CD226: variants seen among roughly 807,000 people sequenced by gnomAD.
The protein encoded by CD226 is CD226 molecule.
In CD226, 24 loss-of-function variants were observed where a neutral mutation model predicts 34.9. The ratio of observed to expected loss-of-function variants is 0.69; its 90% confidence interval spans 0.50 to 0.97. The LOEUF is 0.97. Ranked by LOEUF, CD226 falls within the 50% of genes least tolerant of loss-of-function variation. CD226 has a pLI of 0.00. For missense variants in CD226, 397 were observed against 412.7 expected (o/e 0.96, Z 0.33); for synonymous variants, 148 against 147.4 (o/e 1.00, Z -0.03).
Position 69,861,554 on chromosome 18 carries a change from G to GTGTATATATA in CD226, c.*2759_*2760insTATATATACA, listed in dbSNP as rs59216052. 2.3e-5 allele frequency: 3 copies of GTGTATATATA among 127,950 alleles called. No homozygotes were observed. The East Asian group carries it at 7.1e-4, about 30-fold the overall frequency. The allele number at this position is 127,950 out of a possible 1,614,324, so 7.9% of individuals were successfully genotyped here. A position where few individuals can be genotyped will look rare whatever the true frequency, so the allele number is the denominator to read the frequency against. On this transcript the variant is annotated 3_prime_UTR_variant, in exon 6 of 6. Transcript: ENST00000582621. ...ATAAATTATATGTGTATATATATATGTATATATATATATATATATGTAAAA... is the reference window on the plus strand; with the variant it reads ...ATAAATTATATGTGTATATATATATGTGTATATATATATATATATATATATATATGTAAAA...
intron 2 of CD226, among the ~76,000 whole-genome samples, chr18:69,923,649 A>G (rs1463965411): frequency 1.3e-5 from 2 of 152,312 alleles, no homozygotes; most frequent in African/African-American, 4.8e-5. Context: ...TTAGGATGGA[A>G]AAAGGTTAGT....
rs1038709438 is a variant in CD226, at chr18:69,942,280, C to G, written c.382+4454G>C. On this transcript the variant is annotated intron_variant, in intron 2 of 5. Transcript: ENST00000582621. ...CATTGGTTCTCTTTCTCTGGAGAAG[C>G]CTGACTAAAATAATAGAGATACCAA... Among the ~76,000 whole-genome samples, 5 of 152,170 alleles carry G rather than the reference C, an allele frequency of 3.3e-5. No homozygotes were observed. In the South Asian group the frequency reaches 6.2e-4, roughly 19 times the overall value.
Position 69,947,622 on chromosome 18 carries a change from G to A in CD226, c.-216C>T, listed in dbSNP as rs2055809850. The A allele has an allele frequency of 1.0e-5, 4 of 395,154 alleles. No homozygotes were observed. Among genetic ancestry groups the A allele is most frequent in the Middle Eastern group, 6.4e-4 (1 of 1,552 alleles). 24.5% of individuals were successfully genotyped at this position (395,154 alleles called of 1,614,324 possible). On this transcript the variant is annotated 5_prime_UTR_variant, in exon 1 of 6. Transcript: ENST00000582621. ...GGCAGATTTGAGTTTCTTCTCTCTC[G>A]GGGAACCAGTCGGCTTATTTTCGGG... is the stretch of plus-strand genomic sequence containing the variant.
At chr18:69,950,142 TCA>T (rs2055838176), upstream of CD226, among the ~76,000 whole-genome samples, 1 of 145,602 alleles carries the variant, frequency 6.9e-6, no homozygotes, top group Admixed American at 7.2e-5. Context: ...TCTCACACAA[TCA>T]CATGCATCTG....
intron 2 of CD226, among the ~76,000 whole-genome samples, chr18:69,900,273 C>T (rs1283786858): frequency 6.6e-6 from 1 of 152,012 alleles, no homozygotes; most frequent in African/African-American, 2.4e-5. Flanking sequence ...GACACTGGGT[C>T]TAGTTGAGAG....
rs1390759570 is a variant in CD226, at chr18:69,895,906, G to T, written c.522C>A (p.Asp174Glu). Residue 174 changes from aspartate (D) to glutamate (E), a missense_variant, in exon 3 of 6, where the codon GAC becomes GAA. Coordinates refer to ENST00000582621, the MANE Select transcript of CD226 (RefSeq NM_001303618.2). Reference sequence around the variant, plus strand: ...GGACCAAGTTGCAGTAAGTTAAGAGGTCGATCTGACGGGGCTGGATCTTTT... The same window carrying T: ...GGACCAAGTTGCAGTAAGTTAAGAGTTCGATCTGACGGGGCTGGATCTTTT... The part of the protein sequence containing the change: ...RWEKIQPRQI[D>E]LLTYCNLVHG... 2 of 1,614,050 alleles carry T rather than the reference G, an allele frequency of 1.2e-6. No individual in the cohort carries two copies. Among genetic ancestry groups the T allele is most frequent in the Non-Finnish European group, 1.7e-6 (2 of 1,180,046 alleles).
chr18:69,861,559 T>TATATATATATATATAC lies in CD226; in HGVS notation c.*2754_*2755insGTATATATATATATAT, dbSNP rs1333835731. On this transcript the variant is annotated 3_prime_UTR_variant, in exon 6 of 6. Coordinates refer to ENST00000582621, the MANE Select transcript of CD226 (RefSeq NM_001303618.2). The stretch of plus-strand genomic sequence containing the variant: ...TTATATGTGTATATATATATGTATA[T>TATATATATATATATAC]ATATATATATATATGTAAAACTTAA... 1.1e-4 allele frequency: 16 copies of TATATATATATATATAC among 145,060 alleles called. No homozygotes were observed. In the South Asian group the frequency reaches 2.8e-3, roughly 25 times the overall value. The allele number at this position is 145,060 out of a possible 1,614,324, so 9.0% of individuals were successfully genotyped here.
upstream of CD226, among the ~76,000 whole-genome samples, chr18:69,949,939 C>T (rs1480664465): frequency 6.6e-6 from 1 of 152,182 alleles, no homozygotes; most frequent in African/African-American, 2.4e-5. Flanking sequence ...CACATCCACA[C>T]ACACGCATGC....
chr18:69,958,788 A>AACACACACACACACACAC (rs59835947), upstream of CD226, among the ~76,000 whole-genome samples: 23 of 143,704 alleles, frequency 1.6e-4, no homozygotes, highest in African/African-American at 5.4e-4. Context: ...TTCACAGGCA[A>AACACACACACACACACAC]ACACACACAC....
chr18:69,885,165 C>T (rs1487877132), intron 3 of CD226, among the ~76,000 whole-genome samples: 1 of 152,110 alleles, frequency 6.6e-6, no homozygotes, highest in East Asian at 1.9e-4. Flanking sequence ...GATAAACAAC[C>T]TGGTGTCTGC....
intron 2 of CD226, among the ~76,000 whole-genome samples, chr18:69,907,326 T>C (rs1348359210): frequency 6.6e-6 from 1 of 152,198 alleles, no homozygotes; most frequent in African/African-American, 2.4e-5. Flanking sequence ...GTCTTTTTTG[T>C]TTGTTTTTCA....
At chr18:69,877,060 CA>C (rs1478886081) in intron 3 of CD226, among the ~76,000 whole-genome samples, 1 of 151,960 alleles carries the variant, frequency 6.6e-6, no homozygotes, top group East Asian at 1.9e-4. Context: ...GACGGGGTTT[CA>C]CCATGTTAGT....
At chr18:69,960,066 C>T (rs2055922478), upstream of CD226, among the ~76,000 whole-genome samples, 2 of 151,832 alleles carry the variant, frequency 1.3e-5, no homozygotes, top group South Asian at 4.2e-4. Flanking sequence ...ATGGTGAAAC[C>T]CCGTCTCTAC....
chr18:69,925,966 T>C (rs978112940), intron 2 of CD226, among the ~76,000 whole-genome samples: 3 of 151,990 alleles, frequency 2.0e-5, no homozygotes, highest in Non-Finnish European at 2.9e-5. Context: ...AATATGGTGA[T>C]ACCCCATCTC....
chr18:69,883,829 G>A (rs1790598), intron 3 of CD226, among the ~76,000 whole-genome samples: 147,167 of 152,320 alleles, frequency 0.97, 71,318 homozygotes, highest in East Asian at 1. Flanking sequence ...ACTATTTCAC[G>A]GTTGTGTTCA....
chr18:69,960,466 T>C (rs1242415179), upstream of CD226, among the ~76,000 whole-genome samples: 3 of 152,162 alleles, frequency 2.0e-5, no homozygotes, highest in Non-Finnish European at 4.4e-5. Context: ...GTTGTTGTTG[T>C]TGAGATGGAG....
At chr18:69,952,524 A>G (rs1486083133), upstream of CD226, among the ~76,000 whole-genome samples, 3 of 152,226 alleles carry the variant, frequency 2.0e-5, no homozygotes, top group African/African-American at 7.2e-5. Context: ...TCTTCAATAA[A>G]TGGTCCTGGG....
intron 2 of CD226, among the ~76,000 whole-genome samples, chr18:69,923,394 GC>G (rs1238130474): frequency 1.3e-5 from 2 of 152,044 alleles, no homozygotes; most frequent in Non-Finnish European, 1.5e-5. Flanking sequence ...TTAGAATCCT[GC>G]CCCCTCCTCA....
chr18:69,865,732 T>TA (rs1983101458), intron 5 of CD226, among the ~76,000 whole-genome samples: 2 of 152,218 alleles, frequency 1.3e-5, no homozygotes, highest in South Asian at 2.1e-4. Context: ...AACTACTTAA[T>TA]AAATAAAAAG....
Sources: gnomAD v4.1 joint callset for allele counts (sites outside exome capture counted in the v4.1 genomes callset) on GRCh38, gnomAD v4.1.1 for gene constraint, MANE v1.5 for transcripts, NCBI Gene and HGNC (gene_info 2026-07-23, HGNC 2026-07-21) for gene names.